The following GGT1 variants were observed in gnomAD, a reference collection of about 807,000 sequenced individuals.
GGT1 encodes glutathione hydrolase 1 proenzyme.
In GGT1, 21 loss-of-function variants were observed where a neutral mutation model predicts 56.0. That is an observed-to-expected ratio of 0.38 (90% CI 0.27 to 0.54). The LOEUF (loss-of-function observed/expected upper bound fraction) is 0.54, where lower values mean the gene tolerates loss of function less well. Among genes scored for constraint, GGT1 ranks in the 20% least tolerant of loss-of-function variants. The probability of loss-of-function intolerance (pLI) is 0.82; values close to 1 mark genes in which losing one functional copy is unlikely to be tolerated. For missense variants in GGT1, 466 were observed against 787.0 expected (o/e 0.59, Z 4.88); for synonymous variants, 238 against 342.6 (o/e 0.69, Z 3.37).
At chr22:24,624,371 A>G (rs1328731717) in intron 11 of GGT1, 1 of 985,286 alleles carries the variant, frequency 1.0e-6, no homozygotes, top group African/African-American at 1.7e-5. Context: ...CCCCAGCTCC[A>G]CACTGGGTCC....
Position 24,628,207 on chromosome 22 carries a change from C to A in GGT1, c.1449+14C>A. 1 of 1,612,034 alleles carries A rather than the reference C, an allele frequency of 6.2e-7. No individual in the cohort carries two copies. The highest frequency in any genetic ancestry group is 1.7e-5 in the Admixed American group (1 of 60,018). Reference sequence around the variant, plus strand: ...GCCACTGCACTGGTATGTGTCACACCTTTTCTCCCTGGCCGTGCCCACCCT... The same window carrying A: ...GCCACTGCACTGGTATGTGTCACACATTTTCTCCCTGGCCGTGCCCACCCT... On this transcript the variant is annotated intron_variant, in intron 14 of 15. Transcript: ENST00000400382. This position sits in a 1 kb window ranked among gnomAD's most constrained non-coding sequence, Gnocchi z 5.7.
chr22:24,595,615 G>A (rs1229290242), intron 1 of GGT1, among the ~76,000 whole-genome samples: 1 of 152,208 alleles, frequency 6.6e-6, no homozygotes, highest in Non-Finnish European at 1.5e-5. Flanking sequence ...GGAGAATCAG[G>A]TAGGGAGGAC....
At chr22:24,606,900 C>T (rs1215365733) in intron 1 of GGT1, among the ~76,000 whole-genome samples, 1 of 151,582 alleles carries the variant, frequency 6.6e-6, no homozygotes. Flanking sequence ...ACAGCAGGCC[C>T]AGGAGCAGGG....
At chr22:24,592,823 C>T, upstream of GGT1, 1 of 1,267,548 alleles carries the variant, frequency 7.9e-7, no homozygotes, top group Non-Finnish European at 1.0e-6. Flanking sequence ...CCAGACCCTC[C>T]CTGGCCGCCA....
chr22:24,591,764 T>C (rs1453610715), upstream of GGT1, among the ~76,000 whole-genome samples: 1 of 152,240 alleles, frequency 6.6e-6, no homozygotes, highest in Non-Finnish European at 1.5e-5. Context: ...TTGCCACAGA[T>C]GCCAGCTAGG....
intron 11 of GGT1, among the ~76,000 whole-genome samples, chr22:24,626,887 C>T (rs2047818153): frequency 6.7e-6 from 1 of 150,030 alleles, no homozygotes; most frequent in Non-Finnish European, 1.5e-5. Flanking sequence ...CACTCTCTGC[C>T]TATCACTCAC....
chr22:24,624,059 C>G, intron 11 of GGT1, 143 bp downstream of exon 11: 1 of 1,506,150 alleles, frequency 6.6e-7, no homozygotes, highest in African/African-American at 1.4e-5. Flanking sequence ...ACTGTGTGCT[C>G]GGATGGACTC....
rs1361837165 is a variant in GGT1, at chr22:24,626,303, C to A, written c.1021-1129C>A. Among the ~76,000 whole-genome samples, 2 of 139,780 alleles carry A rather than the reference C, an allele frequency of 1.4e-5. 1 individual carries two copies. Among genetic ancestry groups the A allele is most frequent in the African/African-American group, 5.7e-5 (2 of 34,820 alleles). The allele number at this position is 139,780 out of a possible 152,430, so 91.7% of individuals were successfully genotyped here. The stretch of plus-strand genomic sequence containing the variant: ...TGCTGGGATTACAGGCGTGAGCCAC[C>A]GCGCCCGGTGTTGAAACTCCCTTGA... On this transcript the variant is annotated intron_variant, in intron 11 of 15. Transcript: ENST00000400382.
At chr22:24,623,683 C>T in intron 10 of GGT1, 97 bp from the exon 11 acceptor site, 1 of 1,031,650 alleles carries the variant, frequency 9.7e-7, no homozygotes, top group Non-Finnish European at 1.5e-6. Flanking sequence ...ATTAAACGCT[C>T]CTTGAGGTGG....
the GGT1 span, chr22:24,585,590 G>A: frequency 2.1e-6 from 1 of 468,332 alleles, no homozygotes; most frequent in African/African-American, 2.0e-5. Context: ...CAGCAGCAGG[G>A]CTGTTGCTCA....
In GGT1 at chr22:24,620,970, G is replaced by A. The variant is rs774486442; in HGVS notation, c.633G>A (p.Pro211=). 2.5e-5 allele frequency: 40 copies of A among 1,611,862 alleles called. No individual in the cohort carries two copies. The highest frequency in any genetic ancestry group is 1.2e-4 in the African/African-American group (9 of 74,866). The change falls in exon 9 of 16, where the codon CCG becomes CCA. Residue 211 remains proline, a synonymous_variant. Coordinates refer to ENST00000400382, the MANE Select transcript of GGT1 (RefSeq NM_001288833.2). The surrounding 1 kb of genome is among the most constrained non-coding windows in gnomAD (Gnocchi z 5.6). ...GGGAGGGGGAGAGACTGACCCTGCC[G>A]CAGCTGGCTGACACCTACGAGACGC... ...VLREGERLTL[P]QLADTYETLA... is the part of the protein sequence containing the mutation.
chr22:24,589,765 T>C, the GGT1 span: 2 of 1,519,906 alleles, frequency 1.3e-6, no homozygotes, highest in East Asian at 2.3e-5. Flanking sequence ...CTGGGCTCTG[T>C]TGGCCCCCCT....
At chr22:24,617,589 C>T (rs2047153127) in intron 7 of GGT1, among the ~76,000 whole-genome samples, 2 of 151,646 alleles carry the variant, frequency 1.3e-5, no homozygotes, top group Admixed American at 1.3e-4. Context: ...TGTAGGGAGT[C>T]CCCGGGGACC....
chr22:24,601,344 T>G (rs1281223768), upstream of GGT1, among the ~76,000 whole-genome samples: 1 of 151,206 alleles, frequency 6.6e-6, no homozygotes, highest in Non-Finnish European at 1.5e-5. Context: ...GGGTGATTGC[T>G]GGTATTCAGT....
chr22:24,611,528 TATCTATCTATCTATC>T (rs1169123902), intron 5 of GGT1, among the ~76,000 whole-genome samples: 1 of 133,328 alleles, frequency 7.5e-6, no homozygotes, highest in Non-Finnish European at 1.5e-5. Flanking sequence ...TCTATCTATC[TATCTATCTATCTATC>T]ATCTATCTAT....
chr22:24,592,937 G>A, upstream of GGT1: 1 of 1,235,862 alleles, frequency 8.1e-7, no homozygotes, highest in Non-Finnish European at 1.0e-6. Context: ...ATCTCGCGGA[G>A]CCACCGCACC....
upstream of GGT1, among the ~76,000 whole-genome samples, chr22:24,599,932 G>A (rs556105643): frequency 6.6e-6 from 1 of 152,230 alleles, no homozygotes; most frequent in Non-Finnish European, 1.5e-5. Flanking sequence ...CATGTCACCA[G>A]GGAGGCCTTG....
In GGT1 at chr22:24,608,001, C is replaced by T. The variant is rs1018435409; in HGVS notation, c.-381C>T. ...TCTGAGGAAGAGGTGCTCTCCTGGG[C>T]CCCCACTGTCCCCAGGCCTCAGGTA... is the stretch of plus-strand genomic sequence containing the variant. On this transcript the variant is annotated 5_prime_UTR_variant, in exon 2 of 16. Coordinates refer to ENST00000400382, the MANE Select transcript of GGT1 (RefSeq NM_001288833.2). The T allele has an allele frequency of 2.0e-4, 93 of 469,060 alleles. No homozygotes were observed. The highest frequency in any genetic ancestry group is 1.3e-3 in the African/African-American group (64 of 50,130). 29.1% of individuals were successfully genotyped at this position (469,060 alleles called of 1,614,324 possible). A position where few individuals can be genotyped will look rare whatever the true frequency, so the allele number is the denominator to read the frequency against.
chr22:24,583,997 GT>G, the GGT1 span, among the ~76,000 whole-genome samples: 5 of 152,364 alleles, frequency 3.3e-5, no homozygotes, highest in East Asian at 9.6e-4. Flanking sequence ...CTCTCATACC[GT>G]TTTGATTTAA....
Sources: allele counts gnomAD v4.1 joint callset (sites outside exome capture counted in the v4.1 genomes callset), GRCh38; gene constraint gnomAD v4.1.1; non-coding constraint Gnocchi (gnomAD v3.1); transcripts MANE v1.5; gene names NCBI Gene and HGNC (gene_info 2026-07-23, HGNC 2026-07-21).